PRKCB: variants seen among roughly 807,000 people sequenced by gnomAD.
PRKCB encodes the protein protein kinase C beta type.
PRKCB carries 13 observed loss-of-function variants against 81.5 expected under a neutral mutation model. The ratio of observed to expected loss-of-function variants is 0.16; its 90% CI spans 0.10 to 0.25. The LOEUF (loss-of-function observed/expected upper bound fraction) is 0.25. Ranked by LOEUF, PRKCB falls within the 10% of genes least tolerant of loss-of-function variation. The probability of loss-of-function intolerance (pLI) is 1.00; values close to 1 mark genes in which losing one functional copy is unlikely to be tolerated. For synonymous variants in PRKCB, 335 were observed against 321.4 expected, an observed-to-expected ratio of 1.04 and a Z score of -0.45; for missense variants, 509 against 875.7, an observed-to-expected ratio of 0.58 and a Z score of 5.29.
rs565827860 is a variant in PRKCB at position 24,076,589 on chromosome 16, G to C, written c.530-16202G>C. The stretch of plus-strand genomic sequence containing the variant: ...ACTCACGTCTAGCTGCATGGTCTGG[G>C]GGGAGGAGCCTCAGGGTACAAGTGA... On this transcript the variant is annotated intron_variant, in intron 5 of 16. Coordinates refer to ENST00000643927, the MANE Select transcript of PRKCB (RefSeq NM_002738.7). Among the ~76,000 whole-genome samples the C allele has an allele frequency of 7.2e-5, 11 of 152,288 alleles. No individual in the cohort carries two copies. In the East Asian group the frequency reaches 1.2e-3, roughly 16 times the overall value.
intron 3 of PRKCB, among the ~76,000 whole-genome samples, chr16:24,008,931 G>A (rs1464264651): frequency 1.2e-4 from 18 of 151,920 alleles, no homozygotes; most frequent in Admixed American, 3.3e-4. Flanking sequence ...GTTACTTTAC[G>A]TAAGTGGAAT....
chr16:24,046,363 T>A (rs550424464), intron 5 of PRKCB, among the ~76,000 whole-genome samples: 1 of 152,374 alleles, frequency 6.6e-6, no homozygotes, highest in Admixed American at 6.5e-5. Context: ...GCAAGGCCCC[T>A]GTGCTCATGG....
At chr16:23,854,166 G>C (rs1231896142) in intron 2 of PRKCB, among the ~76,000 whole-genome samples, 4 of 151,702 alleles carry the variant, frequency 2.6e-5, no homozygotes, top group African/African-American at 7.3e-5. Flanking sequence ...GATGAGATTT[G>C]GGTGGGGACA....
chr16:23,920,170 C>CT (rs1479154275), intron 2 of PRKCB, among the ~76,000 whole-genome samples: 1 of 152,084 alleles, frequency 6.6e-6, no homozygotes, highest in Non-Finnish European at 1.5e-5. Flanking sequence ...TTTTCTTTTT[C>CT]TTTTTTTGAT....
chr16:24,120,304 C>A (rs1235370722), intron 8 of PRKCB, among the ~76,000 whole-genome samples: 3 of 152,186 alleles, frequency 2.0e-5, no homozygotes, highest in Non-Finnish European at 4.4e-5. Context: ...ATCTACAGAA[C>A]TGTGCACGTG....
intron 2 of PRKCB, among the ~76,000 whole-genome samples, chr16:23,920,440 C>T (rs1963807064): frequency 6.6e-6 from 1 of 152,234 alleles, no homozygotes; most frequent in African/African-American, 2.4e-5. Context: ...AAATAACCTC[C>T]AACTTTCTGG....
chr16:23,966,873 A>C (rs1964494277), intron 2 of PRKCB, among the ~76,000 whole-genome samples: 1 of 152,194 alleles, frequency 6.6e-6, no homozygotes, highest in Non-Finnish European at 1.5e-5. Context: ...GTAGTGGACT[A>C]AGCTCTGATG....
chr16:23,914,782 G>A (rs1161575289), intron 2 of PRKCB, among the ~76,000 whole-genome samples: 1 of 152,138 alleles, frequency 6.6e-6, no homozygotes, highest in Non-Finnish European at 1.5e-5. Context: ...GGGGGAGGAG[G>A]CTGCCTGTAG....
intron 2 of PRKCB, among the ~76,000 whole-genome samples, chr16:23,876,615 C>T (rs1411703915): frequency 6.6e-6 from 1 of 151,864 alleles, no homozygotes; most frequent in Non-Finnish European, 1.5e-5. Context: ...TACCTCTCTG[C>T]GTTTCTCTTT....
At chr16:24,102,087 G>A (rs1317085577) in intron 7 of PRKCB, among the ~76,000 whole-genome samples, 1 of 152,188 alleles carries the variant, frequency 6.6e-6, no homozygotes, top group Non-Finnish European at 1.5e-5. Context: ...GAAGGCTAGA[G>A]GGTAGACAGC....
intron 2 of PRKCB, among the ~76,000 whole-genome samples, chr16:23,874,078 C>A (rs1441307203): frequency 6.6e-6 from 1 of 152,138 alleles, no homozygotes; most frequent in Non-Finnish European, 1.5e-5. Flanking sequence ...AAATACACAC[C>A]TACACCCACG....
At chr16:24,136,501 G>T (rs1346020632) in intron 9 of PRKCB, among the ~76,000 whole-genome samples, 2 of 152,090 alleles carry the variant, frequency 1.3e-5, no homozygotes, top group Non-Finnish European at 2.9e-5. Flanking sequence ...TTGTAGGGGG[G>T]CCCCCAGCCT....
intron 2 of PRKCB, among the ~76,000 whole-genome samples, chr16:23,987,467 A>G (rs1199525946): frequency 6.6e-6 from 1 of 151,342 alleles, no homozygotes; most frequent in East Asian, 1.9e-4. Context: ...TGTCACTTGT[A>G]TTTTCTGTAA....
At chr16:24,058,113 C>T (rs1381371981) in intron 5 of PRKCB, among the ~76,000 whole-genome samples, 1 of 152,136 alleles carries the variant, frequency 6.6e-6, no homozygotes, top group African/African-American at 2.4e-5. Flanking sequence ...TTGCTCTTCC[C>T]TCAGCTTGGG....
intron 2 of PRKCB, among the ~76,000 whole-genome samples, chr16:23,849,730 A>G (rs1448927449): frequency 6.6e-6 from 1 of 152,212 alleles, no homozygotes; most frequent in African/African-American, 2.4e-5. Flanking sequence ...TTGACAAATC[A>G]TAATTGATGG....
chr16:23,978,479 CT>C (rs1257746275), intron 2 of PRKCB, among the ~76,000 whole-genome samples: 1 of 152,236 alleles, frequency 6.6e-6, no homozygotes, highest in African/African-American at 2.4e-5. Context: ...GGCCCTCTGT[CT>C]GCTGGCTGGA....
intron 8 of PRKCB, among the ~76,000 whole-genome samples, chr16:24,123,546 T>C (rs1966826444): frequency 6.6e-6 from 1 of 152,030 alleles, no homozygotes; most frequent in Non-Finnish European, 1.5e-5. Flanking sequence ...TGAGAGATGA[T>C]GGCAGGTAGT....
At chr16:23,999,296 C>T (rs565870818) in intron 3 of PRKCB, among the ~76,000 whole-genome samples, 13 of 152,336 alleles carry the variant, frequency 8.5e-5, no homozygotes, top group South Asian at 6.2e-4. Flanking sequence ...GCTCCATCCA[C>T]GATAAAGGAT....
Position 24,092,927 on chromosome 16 carries a change from G to A in PRKCB, c.666G>A (p.Glu222=). The change falls in exon 6 of 17, where the codon GAG becomes GAA. Residue 222 remains glutamate, a synonymous_variant. Transcript: ENST00000643927. ...CCATCAAATGCTCCCTCAACCCTGA[G>A]TGGAATGAGACATTTAGATTGTAAG... ...TKTIKCSLNP[E]WNETFRFQLK... is the part of the protein sequence containing the mutation. 1 of 1,613,882 alleles carries A rather than the reference G, an allele frequency of 6.2e-7. No homozygotes were observed. Among genetic ancestry groups the A allele is most frequent in the Non-Finnish European group, 8.5e-7 (1 of 1,180,010 alleles).
Sources: gnomAD v4.1 joint callset for allele counts (sites outside exome capture counted in the v4.1 genomes callset) on GRCh38, gnomAD v4.1.1 for gene constraint, MANE v1.5 for transcripts, NCBI Gene and HGNC (gene_info 2026-07-23, HGNC 2026-07-21) for gene names.